VPS54: variants seen among roughly 807,000 people sequenced by gnomAD.
VPS54 encodes the protein VPS54 subunit of GARP complex, also known as vacuolar protein sorting-associated protein 54.
In VPS54, 45 loss-of-function variants were observed where a neutral mutation model predicts 121.5. The observed-to-expected ratio is 0.37, with a 90% CI of 0.29 to 0.47. The LOEUF is 0.47. Among genes scored for constraint, VPS54 ranks in the 20% least tolerant of loss-of-function variants. The pLI is 0.99. For missense variants in VPS54, 1,090 were observed against 1,131.4 expected, an observed-to-expected ratio of 0.96 and a Z score of 0.52; for synonymous variants, 371 against 385.8, an observed-to-expected ratio of 0.96 and a Z score of 0.45.
intron 22 of VPS54, among the ~76,000 whole-genome samples, chr2:63,894,525 G>A (rs1195998939): frequency 6.6e-6 from 1 of 151,814 alleles, no homozygotes; most frequent in African/African-American, 2.4e-5. Flanking sequence ...AACATAGTGA[G>A]ACCTCGTCTC....
chr2:63,902,216 G>C (rs1672707636), intron 20 of VPS54, among the ~76,000 whole-genome samples: 1 of 152,248 alleles, frequency 6.6e-6, no homozygotes. Flanking sequence ...GCCTAGCAAT[G>C]AGAGTCTGGA....
At position 63,959,890 on chromosome 2, in the gene VPS54, G is replaced by A. The variant is rs375478639; in HGVS notation, c.1010+2168C>T. On this transcript the variant is annotated intron_variant, in intron 7 of 22. Transcript: ENST00000272322. Reference sequence around the variant, plus strand: ...ACAAAAATTAGCTGGGCACAGTGGCGGGCACCTGTAATCCCAGCTACTCGG... The same window carrying A: ...ACAAAAATTAGCTGGGCACAGTGGCAGGCACCTGTAATCCCAGCTACTCGG... Among the ~76,000 whole-genome samples, 36 of 152,102 alleles carry A rather than the reference G, an allele frequency of 2.4e-4. No homozygotes were observed. In the East Asian group the frequency reaches 3.7e-3, roughly 15 times the overall value.
intron 1 of VPS54, among the ~76,000 whole-genome samples, chr2:63,996,690 A>AG (rs919369612): frequency 3.9e-5 from 6 of 152,096 alleles, no homozygotes; most frequent in African/African-American, 7.2e-5. Flanking sequence ...CCGGCCGGGG[A>AG]GGGGGGCCTC....
At chr2:63,997,546 CT>C (rs1427369015) in intron 1 of VPS54, among the ~76,000 whole-genome samples, 1 of 152,080 alleles carries the variant, frequency 6.6e-6, no homozygotes, top group Non-Finnish European at 1.5e-5. Context: ...GTTTTAGCAT[CT>C]CCTTTTTTCA....
chr2:63,925,293 TCTC>T (rs1212150519), intron 12 of VPS54, among the ~76,000 whole-genome samples: 1 of 152,122 alleles, frequency 6.6e-6, no homozygotes, highest in East Asian at 1.9e-4. Context: ...GAAAAGGTGC[TCTC>T]CTAACAATCA....
chr2:63,978,222 T>C (rs993397920), intron 3 of VPS54, among the ~76,000 whole-genome samples: 1 of 152,256 alleles, frequency 6.6e-6, no homozygotes, highest in Non-Finnish European at 1.5e-5. Context: ...ATCAGAAGTA[T>C]GTTTAGCTTT....
Position 63,947,448 on chromosome 2 carries a change from T to G in VPS54, c.1180A>C (p.Lys394Gln), listed in dbSNP as rs1451997408. The G allele has an allele frequency of 6.5e-7, 1 of 1,548,652 alleles. No individual in the cohort carries two copies. ...SLVFGLLKQR[K>Q]LNFLEIYGEK... ...CCATAGATTTCTAAAAAATTAAGCT[T>G]TCTTTGTTTTAAAAGTCCAAATACA... The change falls in exon 9 of 23, where the codon AAG becomes CAG. Residue 394 changes from lysine to glutamine, a missense_variant. Transcript: ENST00000272322.
At chr2:63,939,457 A>C (rs1674618468) in intron 11 of VPS54, among the ~76,000 whole-genome samples, 1 of 152,188 alleles carries the variant, frequency 6.6e-6, no homozygotes, top group Admixed American at 6.5e-5. Context: ...TAAATGCAAC[A>C]ATGTAGGAGA....
intron 20 of VPS54, among the ~76,000 whole-genome samples, chr2:63,909,730 T>TG (rs202190514): frequency 8.2e-5 from 12 of 145,954 alleles, no homozygotes; most frequent in Admixed American, 1.4e-4. Context: ...TTTTGGTTTT[T>TG]TTTTTTTTTT....
At chr2:63,939,508 T>C (rs890371520) in intron 11 of VPS54, among the ~76,000 whole-genome samples, 1 of 152,300 alleles carries the variant, frequency 6.6e-6, no homozygotes, top group Admixed American at 6.5e-5. Context: ...GAAATTCAAA[T>C]AGTCTATTCC....
chr2:63,943,073 G>GA (rs1674811780), intron 10 of VPS54, among the ~76,000 whole-genome samples: 2 of 152,096 alleles, frequency 1.3e-5, no homozygotes, highest in African/African-American at 4.8e-5. Flanking sequence ...CTAACATGAG[G>GA]AAACTGACAG....
chr2:63,910,357 T>C lies in VPS54; in HGVS notation c.2625+1988A>G, dbSNP rs72891045. Among the ~76,000 whole-genome samples the C allele has an allele frequency of 5.1e-3, 782 of 152,260 alleles. 9 individuals are homozygous for C. The highest frequency in any genetic ancestry group is 0.018 in the African/African-American group (737 of 41,546). ...TTCTTCAACGGGTCAATGATATATATTTTTTTAAATGAGGAGGGGCGTGTT... is the reference window on the plus strand; with the variant it reads ...TTCTTCAACGGGTCAATGATATATACTTTTTTAAATGAGGAGGGGCGTGTT... On this transcript the variant is annotated intron_variant, in intron 20 of 22. Transcript: ENST00000272322.
At chr2:64,013,438 T>G (rs1678515667) in intron 1 of VPS54, among the ~76,000 whole-genome samples, 1 of 151,814 alleles carries the variant, frequency 6.6e-6, no homozygotes, top group Non-Finnish European at 1.5e-5. Context: ...TGCATTAACC[T>G]TGAATGAATC....
intron 12 of VPS54, among the ~76,000 whole-genome samples, chr2:63,923,265 G>A (rs774446356): frequency 1.3e-5 from 2 of 151,152 alleles, no homozygotes; most frequent in Admixed American, 6.6e-5. Context: ...GCAGTGAGCC[G>A]AGATCGCACC....
chr2:64,005,686 C>A (rs1678111786), intron 1 of VPS54, among the ~76,000 whole-genome samples: 1 of 152,184 alleles, frequency 6.6e-6, no homozygotes, highest in Admixed American at 6.5e-5. Context: ...CAGGGACTAT[C>A]TTGTACCCAC....
At chr2:63,913,542 T>C (rs1386112547) in intron 17 of VPS54, among the ~76,000 whole-genome samples, 1 of 152,150 alleles carries the variant, frequency 6.6e-6, no homozygotes, top group Non-Finnish European at 1.5e-5. Flanking sequence ...TAAAAATCAG[T>C]TCGCAGAAAT....
intron 12 of VPS54, among the ~76,000 whole-genome samples, chr2:63,922,820 T>C (rs1673706124): frequency 6.6e-6 from 1 of 152,128 alleles, no homozygotes; most frequent in African/African-American, 2.4e-5. Context: ...GAAACATTAC[T>C]TAAAATTTCC....
chr2:64,016,653 G>C (rs1053350449), intron 1 of VPS54, among the ~76,000 whole-genome samples: 6 of 148,836 alleles, frequency 4.0e-5, no homozygotes, highest in Non-Finnish European at 1.5e-5. Flanking sequence ...CTGTCACCCA[G>C]CCTGTAGTGC....
intron 12 of VPS54, among the ~76,000 whole-genome samples, chr2:63,926,711 C>T (rs985638777): frequency 9.2e-5 from 14 of 152,264 alleles, no homozygotes; most frequent in Admixed American, 5.9e-4. Context: ...CACAAGGGGT[C>T]GGGGGATTTC....
Sources: gnomAD v4.1 joint callset for allele counts (sites outside exome capture counted in the v4.1 genomes callset) on GRCh38, gnomAD v4.1.1 for gene constraint, MANE v1.5 for transcripts, NCBI Gene and HGNC (gene_info 2026-07-23, HGNC 2026-07-21) for gene names.